The following INTS6 variants were observed in gnomAD, a reference collection of about 807,000 sequenced individuals.
INTS6 encodes the protein DEAD box protein.
A neutral mutation model predicts 104.9 loss-of-function variants in INTS6; 16 were observed. The observed-to-expected ratio is 0.15, with a 90% CI of 0.10 to 0.23. The LOEUF (loss-of-function observed/expected upper bound fraction) is 0.23, where lower values mean the gene tolerates loss of function less well. Among genes scored for constraint, INTS6 ranks in the 10% least tolerant of loss-of-function variants. The pLI, the probability that INTS6 is intolerant of heterozygous loss-of-function variation, is 1.00. For synonymous variants in INTS6, 324 were observed against 358.7 expected, an observed-to-expected ratio of 0.90 and a Z score of 1.09; for missense variants, 584 against 1,062.8, an observed-to-expected ratio of 0.55 and a Z score of 6.26.
chr13:51,335,745 G>A, the INTS6 span: 1 of 152,188 alleles, frequency 6.6e-6, no homozygotes, highest in African/African-American at 2.4e-5. Context: ...GCACACTGTC[G>A]AGTATCGCCC....
intron 4 of INTS6, among the ~76,000 whole-genome samples, chr13:51,410,461 G>A (rs1956663805): frequency 6.6e-6 from 1 of 152,094 alleles, no homozygotes; most frequent in Admixed American, 6.6e-5. Context: ...TCAGCAATGA[G>A]GAAATGATAA....
intron 3 of INTS6, chr13:51,450,719 G>GT: frequency 9.8e-7 from 1 of 1,024,314 alleles, no homozygotes. Context: ...TGAGTGTGGT[G>GT]TGGTAGGATG....
downstream of INTS6, among the ~76,000 whole-genome samples, chr13:51,352,569 T>A (rs1037515428): frequency 2.0e-5 from 3 of 152,018 alleles, no homozygotes; most frequent in Admixed American, 2.0e-4. Flanking sequence ...CTAACCTGGA[T>A]GCCTTCTATT....
At chr13:51,444,791 T>C (rs1174495662) in intron 3 of INTS6, 1 of 145,866 alleles carries the variant, frequency 6.9e-6, no homozygotes, top group Admixed American at 6.8e-5. Context: ...GATAGTGTTT[T>C]TCATTTTTCT....
chr13:51,402,745 T>C (rs886377416), intron 4 of INTS6: 2 of 152,188 alleles, frequency 1.3e-5, no homozygotes, highest in African/African-American at 4.8e-5. Context: ...CCTTCACCTT[T>C]GAGTCCATCT....
At chr13:51,451,374 G>A in intron 2 of INTS6, 200 bp from the exon 3 acceptor site, 1 of 380,000 alleles carries the variant, frequency 2.6e-6, no homozygotes, top group Non-Finnish European at 4.7e-6. Context: ...CTAGGTTTTG[G>A]TAGTTAACTG....
At chr13:51,431,054 A>G (rs1028899053) in intron 3 of INTS6, among the ~76,000 whole-genome samples, 5 of 152,196 alleles carry the variant, frequency 3.3e-5, no homozygotes, top group Admixed American at 3.3e-4. Flanking sequence ...CAAATGCTCT[A>G]TATAGAAGGT....
intron 4 of INTS6, chr13:51,402,655 C>G (rs1227979074): frequency 4.6e-5 from 7 of 152,120 alleles, no homozygotes; most frequent in Non-Finnish European, 1.0e-4. Context: ...TCGTAGCCAA[C>G]AGAAAAGGAA....
At position 51,452,541 on chromosome 13, in the gene INTS6, C is replaced by T; in HGVS notation, c.-16G>A. ...AGATGGGCATAGTGCTGGCCGGGGA[C>T]ACCGGGGCCCGAGGTGGTGGAGAAA... On this transcript the variant is annotated 5_prime_UTR_variant, in exon 1 of 18. Coordinates refer to ENST00000311234, the MANE Select transcript of INTS6 (RefSeq NM_012141.3). The surrounding 1 kb of genome is among the most constrained non-coding windows in gnomAD (Gnocchi z 4.2). 6.2e-7 allele frequency: 1 copy of T among 1,608,968 alleles called. No homozygotes were observed. Among genetic ancestry groups the T allele is most frequent in the Non-Finnish European group, 8.5e-7 (1 of 1,176,892 alleles).
At chr13:51,411,382 G>A (rs7328715) in intron 4 of INTS6, among the ~76,000 whole-genome samples, 17,865 of 151,046 alleles carry the variant, frequency 0.12, 1,311 homozygotes, top group South Asian at 0.21. Flanking sequence ...GGTGAAACCC[G>A]TCTCTACTAA....
At position 51,452,624 on chromosome 13, in the gene INTS6, G is replaced by A; in HGVS notation, c.-99C>T. 6.5e-7 allele frequency: 1 copy of A among 1,533,968 alleles called. No individual in the cohort carries two copies. Among genetic ancestry groups the A allele is most frequent in the Non-Finnish European group, 8.8e-7 (1 of 1,138,736 alleles). On this transcript the variant is annotated 5_prime_UTR_variant, in exon 1 of 18. Coordinates refer to ENST00000311234, the MANE Select transcript of INTS6 (RefSeq NM_012141.3). The surrounding 1 kb of genome is among the most constrained non-coding windows in gnomAD (Gnocchi z 4.2). ...GGCGACCGCCGCTACGCGGGGCGGG[G>A]GAGCACGGCCCCCGGGAGGAAAACA...
Position 51,449,879 on chromosome 13 carries a change from C to T in INTS6, c.339+1146G>A, listed in dbSNP as rs139163728. Reference sequence around the variant, plus strand: ...GAAAGTACATATTTACCTAACTAAACGTTGGAAGTTCAATTTGGTAAGCTC... The same window carrying T: ...GAAAGTACATATTTACCTAACTAAATGTTGGAAGTTCAATTTGGTAAGCTC... On this transcript the variant is annotated intron_variant, in intron 3 of 17. Coordinates refer to ENST00000311234, the MANE Select transcript of INTS6 (RefSeq NM_012141.3). 3.2e-4 allele frequency: 317 copies of T among 985,268 alleles called. 2 individuals are homozygous for T. In the African/African-American group the frequency reaches 5.0e-3, roughly 16 times the overall value. The allele number at this position is 985,268 out of a possible 1,614,324, so 61.0% of individuals were successfully genotyped here. A position where few individuals can be genotyped will look rare whatever the true frequency, so the allele number is the denominator to read the frequency against.
At chr13:51,450,182 T>G in intron 3 of INTS6, 1 of 985,038 alleles carries the variant, frequency 1.0e-6, no homozygotes, top group South Asian at 4.7e-5. Flanking sequence ...ACATAAGAAC[T>G]GAGCTCCTTG....
intron 3 of INTS6, chr13:51,439,805 AAT>A (rs1952759801): frequency 6.6e-6 from 1 of 152,232 alleles, no homozygotes; most frequent in South Asian, 2.1e-4. Flanking sequence ...GACATCACAT[AAT>A]GTTTTGGCCA....
At chr13:51,371,769 G>A (rs1307732960) in intron 15 of INTS6, among the ~76,000 whole-genome samples, 1 of 151,720 alleles carries the variant, frequency 6.6e-6, no homozygotes, top group Non-Finnish European at 1.5e-5. Context: ...ATCCCCTTCC[G>A]TCTCAGCAGT....
the INTS6 span, among the ~76,000 whole-genome samples, chr13:51,338,587 C>T: frequency 4.4e-4 from 67 of 152,290 alleles, 1 homozygote; most frequent in Middle Eastern, 0.01. Flanking sequence ...GATATGCCCT[C>T]TCTGGGTGCT....
chr13:51,341,359 G>A, the INTS6 span: 2 of 1,572,780 alleles, frequency 1.3e-6, no homozygotes, highest in Middle Eastern at 1.7e-4. Flanking sequence ...TAAGAGGCCT[G>A]CCCACGTGCA....
chr13:51,394,188 T>C lies in INTS6; in HGVS notation c.613+1112A>G, dbSNP rs75607693. Among the ~76,000 whole-genome samples, 740 of 152,298 alleles carry C rather than the reference T, an allele frequency of 4.9e-3. 2 individuals carry two copies. Among genetic ancestry groups the C allele is most frequent in the African/African-American group, 0.017 (689 of 41,550 alleles). On this transcript the variant is annotated intron_variant, in intron 5 of 17. Coordinates refer to ENST00000311234, the MANE Select transcript of INTS6 (RefSeq NM_012141.3). ...AGAATTGTTCATTAATTTTCAAATG[T>C]AGATGACAGGTTATCCCTAAAAAAA...
At chr13:51,358,421 T>C (rs1955514256), downstream of INTS6, among the ~76,000 whole-genome samples, 1 of 152,146 alleles carries the variant, frequency 6.6e-6, no homozygotes, top group Non-Finnish European at 1.5e-5. Flanking sequence ...TGACCAGCCA[T>C]ACACAAAGAA....
Sources: allele counts gnomAD v4.1 joint callset (sites outside exome capture counted in the v4.1 genomes callset), GRCh38; gene constraint gnomAD v4.1.1; non-coding constraint Gnocchi (gnomAD v3.1); transcripts MANE v1.5; gene names NCBI Gene and HGNC (gene_info 2026-07-23, HGNC 2026-07-21).